TSPEAR: variants seen among roughly 807,000 people sequenced by gnomAD.
TSPEAR encodes the protein thrombospondin-type laminin G domain and EAR repeat-containing protein.
In TSPEAR, 69 loss-of-function variants were observed where a neutral mutation model predicts 71.6. The observed-to-expected ratio is 0.96, with a 90% confidence interval of 0.79 to 1.18. The LOEUF (loss-of-function observed/expected upper bound fraction) is 1.18, where lower values mean the gene tolerates loss of function less well. Ranked by LOEUF, TSPEAR falls within the 50% of genes most tolerant of loss-of-function variation. TSPEAR has a pLI of 0.00. For missense variants in TSPEAR, 971 were observed against 894.9 expected (o/e 1.09, Z -1.09); for synonymous variants, 402 against 387.2 (o/e 1.04, Z -0.45).
At chr21:44,708,261 G>C (rs2838658) in intron 1 of TSPEAR, among the ~76,000 whole-genome samples, 42,536 of 151,912 alleles carry the variant, frequency 0.28, 6,235 homozygotes, top group South Asian at 0.42. Context: ...ACTGGGCTGC[G>C]GGGTCAGGAA....
chr21:44,705,534 A>G (rs8130194), intron 1 of TSPEAR, among the ~76,000 whole-genome samples: 19,718 of 152,198 alleles, frequency 0.13, 2,019 homozygotes, highest in African/African-American at 0.28. Context: ...TCCCTGAGAA[A>G]GAGAATGGGC....
Position 44,593,239 on chromosome 21 carries a change from C to T in TSPEAR, c.83-25234G>A, listed in dbSNP as rs1601460591. On this transcript the variant is annotated intron_variant, in intron 1 of 11. Coordinates refer to ENST00000323084, the MANE Select transcript of TSPEAR (RefSeq NM_144991.3). The surrounding 1 kb of genome is among the most constrained non-coding windows in gnomAD (Gnocchi z 5.9). ...ACCGTGCTGAGCAGCGGGCGGTCAG[C>T]AGCCCTCGTCCCCGCCTGGGGTGGC... 6.6e-6 allele frequency among the ~76,000 whole-genome samples: 1 copy of T among 152,172 alleles called. No individual in the cohort carries two copies. Among genetic ancestry groups the T allele is most frequent in the South Asian group, 2.1e-4 (1 of 4,820 alleles).
At chr21:44,624,362 G>A (rs1037525625) in intron 1 of TSPEAR, among the ~76,000 whole-genome samples, 1 of 152,140 alleles carries the variant, frequency 6.6e-6, no homozygotes, top group Non-Finnish European at 1.5e-5. Flanking sequence ...AATATCTAAA[G>A]GTCCTGTGTA....
chr21:44,706,452 T>C (rs954798567), intron 1 of TSPEAR, among the ~76,000 whole-genome samples: 2 of 144,894 alleles, frequency 1.4e-5, no homozygotes. Flanking sequence ...CACCCACATG[T>C]ACACACCCAC....
intron 1 of TSPEAR, chr21:44,698,118 C>G (rs779834136): frequency 2.7e-6 from 2 of 754,230 alleles, no homozygotes; most frequent in Non-Finnish European, 4.2e-6. Flanking sequence ...CTGCTAAGCT[C>G]CAGATGACCC....
In TSPEAR at chr21:44,522,062, G is replaced by A. The variant is rs144625664; in HGVS notation, c.1387C>T (p.Arg463Trp). Residue 463 changes from arginine to tryptophan, a missense_variant, in exon 9 of 12, where the codon CGG (arginine) becomes TGG (tryptophan). Physicochemically the swap from Arg to Trp is moderately radical, Grantham distance 101. Transcript: ENST00000323084. ...ATGGTCTGGTTGGCCTCGAAGAGCC[G>A]GGTTGCCGGGTTCCACTTGTAGATG... ...SVIYKWNPAT[R>W]LFEANQTIAT... 1.4e-4 allele frequency: 226 copies of A among 1,613,984 alleles called. 1 individual carries two copies. The highest frequency in any genetic ancestry group is 1.6e-4 in the Middle Eastern group (1 of 6,084).
rs782783074 is a variant in TSPEAR, at chr21:44,612,082, A to T, written c.83-44077T>A. 12 of 1,607,220 alleles carry T rather than the reference A, an allele frequency of 7.5e-6. No homozygotes were observed. The Admixed American group carries it at 2.0e-4, about 27-fold the overall frequency. On this transcript the variant is annotated intron_variant, in intron 1 of 11. Transcript: ENST00000323084. The surrounding 1 kb of genome is among the most constrained non-coding windows in gnomAD (Gnocchi z 4.1). The stretch of plus-strand genomic sequence containing the variant: ...CACACCTCACACCAGCACTCACACC[A>T]CCCAGTCCAGCACCCACCATGGCTG...
At chr21:44,573,634 T>C in intron 1 of TSPEAR, 1 of 1,493,458 alleles carries the variant, frequency 6.7e-7, no homozygotes, top group South Asian at 1.3e-5. Flanking sequence ...TTGCTGAGCC[T>C]CCTGTCTGGA....
intron 1 of TSPEAR, chr21:44,638,003 C>T (rs782059594): frequency 6.2e-7 from 1 of 1,613,812 alleles, no homozygotes; most frequent in Non-Finnish European, 8.5e-7. Context: ...CCTCTGCCAC[C>T]CTGTGTGCAA....
intron 2 of TSPEAR, among the ~76,000 whole-genome samples, chr21:44,557,535 C>G (rs1473186929): frequency 6.6e-6 from 1 of 152,076 alleles, no homozygotes; most frequent in African/African-American, 2.4e-5. Flanking sequence ...GGGGGAGGAG[C>G]TGAGCCCAGG....
intron 9 of TSPEAR, among the ~76,000 whole-genome samples, chr21:44,516,899 C>T (rs767648166): frequency 6.6e-6 from 1 of 152,204 alleles, no homozygotes; most frequent in Non-Finnish European, 1.5e-5. Context: ...AGAAAACACA[C>T]CAGCTCTGCA....
At chr21:44,583,200 G>A (rs1979119216) in intron 1 of TSPEAR, among the ~76,000 whole-genome samples, 1 of 152,068 alleles carries the variant, frequency 6.6e-6, no homozygotes, top group Non-Finnish European at 1.5e-5. Flanking sequence ...GAGCTGAGCT[G>A]CAGGGATTAA....
chr21:44,674,637 A>C (rs1427275843), intron 1 of TSPEAR, among the ~76,000 whole-genome samples: 6 of 152,022 alleles, frequency 3.9e-5, no homozygotes, highest in African/African-American at 1.4e-4. Flanking sequence ...AGATCACCTG[A>C]GCCCAGGAGG....
intron 1 of TSPEAR, among the ~76,000 whole-genome samples, chr21:44,622,046 T>C (rs1432592834): frequency 6.6e-6 from 1 of 152,190 alleles, no homozygotes; most frequent in African/African-American, 2.4e-5. Flanking sequence ...GCTTAGTATT[T>C]TGCCATATAA....
At chr21:44,548,363 A>T (rs1555918010) in intron 2 of TSPEAR, among the ~76,000 whole-genome samples, 1 of 152,152 alleles carries the variant, frequency 6.6e-6, no homozygotes, top group African/African-American at 2.4e-5. Context: ...CTTTTTCTTG[A>T]TTATGTGTTC....
intron 8 of TSPEAR, among the ~76,000 whole-genome samples, chr21:44,524,294 TTCAG>T (rs1352607668): frequency 2.0e-5 from 3 of 149,898 alleles, no homozygotes; most frequent in Admixed American, 6.6e-5. Context: ...CAACTAATCA[TTCAG>T]TCAGTCAGAC....
At chr21:44,703,754 A>T (rs1183511462) in intron 1 of TSPEAR, among the ~76,000 whole-genome samples, 1 of 152,158 alleles carries the variant, frequency 6.6e-6, no homozygotes, top group Non-Finnish European at 1.5e-5. Context: ...CTGGGGCCCA[A>T]GCTGGCCACT....
chr21:44,603,189 G>T (rs782079759), intron 1 of TSPEAR, among the ~76,000 whole-genome samples: 3 of 152,084 alleles, frequency 2.0e-5, no homozygotes, highest in Non-Finnish European at 4.4e-5. Context: ...AAACTCTGGC[G>T]TGGGGCTGGA....
intron 1 of TSPEAR, among the ~76,000 whole-genome samples, chr21:44,651,806 C>T (rs1487599348): frequency 7.2e-5 from 11 of 152,010 alleles, no homozygotes; most frequent in Middle Eastern, 3.2e-3. Flanking sequence ...ACATCATTGG[C>T]GACCATACTC....
Sources: allele counts gnomAD v4.1 joint callset (sites outside exome capture counted in the v4.1 genomes callset), GRCh38; gene constraint gnomAD v4.1.1; non-coding constraint Gnocchi (gnomAD v3.1); transcripts MANE v1.5; gene names NCBI Gene and HGNC (gene_info 2026-07-23, HGNC 2026-07-21).